Variants in BCAT1 observed in about 807,000 individuals in gnomAD.
The protein encoded by BCAT1 is branched-chain-amino-acid aminotransferase, cytosolic.
A neutral mutation model predicts 52.4 loss-of-function variants in BCAT1; 48 were observed. The observed-to-expected ratio is 0.92, with a 90% CI of 0.73 to 1.16. The LOEUF (loss-of-function observed/expected upper bound fraction) is 1.16, where lower values mean the gene tolerates loss of function less well. Ranked by LOEUF, BCAT1 falls within the 50% of genes most tolerant of loss-of-function variation. The pLI is 0.00. For synonymous variants in BCAT1, 167 were observed against 161.3 expected, an observed-to-expected ratio of 1.04 and a Z score of -0.27; for missense variants, 451 against 457.1, an observed-to-expected ratio of 0.99 and a Z score of 0.12.
intron 7 of BCAT1, among the ~76,000 whole-genome samples, chr12:24,841,728 C>A (rs554953180): frequency 2.6e-5 from 4 of 151,944 alleles, no homozygotes; most frequent in African/African-American, 7.2e-5. Context: ...CATGGTGAAA[C>A]CCTATCTCTA....
At chr12:24,935,563 T>A (rs1211065645) in intron 1 of BCAT1, among the ~76,000 whole-genome samples, 1 of 152,180 alleles carries the variant, frequency 6.6e-6, no homozygotes, top group Non-Finnish European at 1.5e-5. Flanking sequence ...TTCCTGACAA[T>A]GAATCTTCTA....
At chr12:24,911,494 A>G (rs1481335401) in intron 1 of BCAT1, among the ~76,000 whole-genome samples, 1 of 152,244 alleles carries the variant, frequency 6.6e-6, no homozygotes, top group Non-Finnish European at 1.5e-5. Flanking sequence ...GTGCCAATCT[A>G]TGTGAGTTAA....
intron 1 of BCAT1, among the ~76,000 whole-genome samples, chr12:24,921,977 G>GCACACATA (rs543061373): frequency 6.6e-6 from 1 of 152,088 alleles, no homozygotes; most frequent in Non-Finnish European, 1.5e-5. Flanking sequence ...GCACACATGT[G>GCACACATA]CACACATACA....
intron 5 of BCAT1, among the ~76,000 whole-genome samples, chr12:24,857,030 T>A (rs1941706595): frequency 6.6e-6 from 1 of 152,194 alleles, no homozygotes; most frequent in Non-Finnish European, 1.5e-5. Flanking sequence ...AGCTCAAAAT[T>A]GGCTGCTCTA....
chr12:24,856,917 G>T (rs1055345702), intron 5 of BCAT1, among the ~76,000 whole-genome samples: 1 of 152,170 alleles, frequency 6.6e-6, no homozygotes, highest in African/African-American at 2.4e-5. Flanking sequence ...TTGTAACCAC[G>T]TGGGGGTACT....
At chr12:24,818,126 C>T (rs757292435) in intron 10 of BCAT1, 77 bp from the exon 11 acceptor site, 16 of 1,433,076 alleles carry the variant, frequency 1.1e-5, no homozygotes, top group East Asian at 2.3e-5. Context: ...AACTTAATAC[C>T]GCCAAGGTTA....
At chr12:24,865,310 G>A (rs1941974447) in intron 5 of BCAT1, among the ~76,000 whole-genome samples, 1 of 152,128 alleles carries the variant, frequency 6.6e-6, no homozygotes, top group Non-Finnish European at 1.5e-5. Context: ...CTCCATCTTA[G>A]TAACTGATTA....
chr12:24,827,812 A>G (rs370500100), intron 10 of BCAT1, among the ~76,000 whole-genome samples: 2 of 152,156 alleles, frequency 1.3e-5, no homozygotes, highest in East Asian at 3.8e-4. Flanking sequence ...ACAGAAACAA[A>G]AACACACTTT....
intron 3 of BCAT1, among the ~76,000 whole-genome samples, chr12:24,890,416 G>T (rs1158534308): frequency 6.6e-6 from 1 of 152,216 alleles, no homozygotes; most frequent in Non-Finnish European, 1.5e-5. Context: ...CACAGGATGA[G>T]ATAGGAGGTC....
intron 10 of BCAT1, among the ~76,000 whole-genome samples, chr12:24,819,263 T>A (rs79993166): frequency 0.013 from 1,912 of 152,230 alleles, 21 homozygotes; most frequent in Admixed American, 0.021. Flanking sequence ...TCTGTCACTA[T>A]GGGTTTGCCT....
At chr12:24,924,094 C>CT (rs36124065) in intron 1 of BCAT1, among the ~76,000 whole-genome samples, 24,249 of 152,158 alleles carry the variant, frequency 0.16, 2,489 homozygotes, top group Non-Finnish European at 0.23. Context: ...CGTTTCCTCC[C>CT]TTTTTTTCCC....
At chr12:24,869,313 G>T (rs145830850) in intron 5 of BCAT1, among the ~76,000 whole-genome samples, 22 of 152,134 alleles carry the variant, frequency 1.4e-4, no homozygotes, top group Admixed American at 1.3e-3. Flanking sequence ...AGCCACAGAC[G>T]GTCACACCAT....
chr12:24,922,886 A>T (rs1481291667), intron 1 of BCAT1, among the ~76,000 whole-genome samples: 5 of 152,038 alleles, frequency 3.3e-5, no homozygotes, highest in Non-Finnish European at 7.4e-5. Flanking sequence ...AAAAAAAAAA[A>T]AATTTACAAG....
rs967579104 is a variant in BCAT1 at position 24,811,929 on chromosome 12, G to A, written c.*6079C>T. ...TCCTCGAACTACTTATTTTTCCTCA[G>A]CCACAAGTAAGCGCAAATCCTTAAA... On this transcript the variant is annotated 3_prime_UTR_variant, in exon 11 of 11. Transcript: ENST00000261192. 1.3e-5 allele frequency: 2 copies of A among 152,058 alleles called. No individual in the cohort carries two copies. The highest frequency in any genetic ancestry group is 4.8e-5 in the African/African-American group (2 of 41,422). The allele number at this position is 152,058 out of a possible 1,614,324, so 9.4% of individuals were successfully genotyped here. A position where few individuals can be genotyped will look rare whatever the true frequency, so the allele number is the denominator to read the frequency against.
rs376127858 is a variant in BCAT1 at position 24,943,724 on chromosome 12, C to T, written c.6+5203G>A. On this transcript the variant is annotated intron_variant, in intron 1 of 10. Transcript: ENST00000261192. ...TTGAGGCCGGGAGCGGTGGCTCACG[C>T]CTGTAATCCCAGCACCTTGGGTGGC... Among the ~76,000 whole-genome samples, 31 of 152,286 alleles carry T rather than the reference C, an allele frequency of 2.0e-4. 1 individual carries two copies. The South Asian group carries it at 5.0e-3, about 24-fold the overall frequency.
chr12:24,931,054 C>A (rs532533658), intron 1 of BCAT1, among the ~76,000 whole-genome samples: 16 of 151,952 alleles, frequency 1.1e-4, no homozygotes, highest in Non-Finnish European at 2.9e-5. Flanking sequence ...AGGAGCCCAC[C>A]ACCACGCCTG....
At chr12:24,868,762 T>A (rs976738677) in intron 5 of BCAT1, among the ~76,000 whole-genome samples, 1 of 152,166 alleles carries the variant, frequency 6.6e-6, no homozygotes, top group Non-Finnish European at 1.5e-5. Context: ...ATAAAAAGTA[T>A]AAAACATAAA....
intron 1 of BCAT1, among the ~76,000 whole-genome samples, chr12:24,936,162 T>A (rs1334224720): frequency 6.6e-6 from 1 of 152,242 alleles, no homozygotes; most frequent in Non-Finnish European, 1.5e-5. Flanking sequence ...CATTTCCAGG[T>A]ACCAAAATCT....
At chr12:24,867,953 C>T (rs1049178341) in intron 5 of BCAT1, among the ~76,000 whole-genome samples, 4 of 152,042 alleles carry the variant, frequency 2.6e-5, no homozygotes, top group African/African-American at 7.2e-5. Flanking sequence ...TGCAGTGAGC[C>T]GAGATTGCAC....
Sources: gnomAD v4.1 joint callset for allele counts (sites outside exome capture counted in the v4.1 genomes callset) on GRCh38, gnomAD v4.1.1 for gene constraint, MANE v1.5 for transcripts, NCBI Gene and HGNC (gene_info 2026-07-23, HGNC 2026-07-21) for gene names.